The following EPRS1 variants were observed in gnomAD, a reference collection of about 807,000 sequenced individuals.
The protein encoded by EPRS1 is bifunctional glutamate/proline--tRNA ligase.
Under a neutral mutation model 188.3 loss-of-function variants are expected in EPRS1, and 107 were observed. The ratio of observed to expected loss-of-function variants is 0.57; its 90% CI spans 0.49 to 0.67. The LOEUF (loss-of-function observed/expected upper bound fraction) is 0.67, where lower values mean the gene tolerates loss of function less well. EPRS1 is among the 30% of genes least tolerant of loss of function. EPRS1 has a pLI of 0.00. For synonymous variants in EPRS1, 596 were observed against 593.1 expected (o/e 1.00, Z -0.07); for missense variants, 1,577 against 1,802.2 (o/e 0.88, Z 2.26).
intron 12 of EPRS1, among the ~76,000 whole-genome samples, chr1:220,011,990 G>A (rs1661614810): frequency 1.3e-5 from 1 of 78,328 alleles, no homozygotes; most frequent in African/African-American, 4.4e-5. Context: ...TTCCATTGTT[G>A]CCATTATTGG....
rs115267998 is a variant in EPRS1 at position 220,027,707 on chromosome 1, G to A, written c.624-2449C>T. ...CATATAATAAAGGGCTGTACGCCGG[G>A]TGCAGTGGCTCATGCCTGTAATCCC... On this transcript the variant is annotated intron_variant, in intron 6 of 31. Transcript: ENST00000366923. Among the ~76,000 whole-genome samples, 309 of 152,040 alleles carry A rather than the reference G, an allele frequency of 2.0e-3. 1 individual carries two copies. The highest frequency in any genetic ancestry group is 6.5e-3 in the African/African-American group (270 of 41,508).
Position 220,035,057 on chromosome 1 carries a change from A to G in EPRS1, c.132-44T>C, listed in dbSNP as rs750851534. 3.3e-6 allele frequency: 3 copies of G among 917,960 alleles called. No homozygotes were observed. The South Asian group carries it at 4.6e-5, about 14-fold the overall frequency. The allele number at this position is 917,960 out of a possible 1,614,324, so 56.9% of individuals were successfully genotyped here. On this transcript the variant is annotated intron_variant, in intron 2 of 31. Coordinates refer to ENST00000366923, the MANE Select transcript of EPRS1 (RefSeq NM_004446.3). ...ATAAAATATTACTGCTGCTCTAGCA[A>G]ATCAGTAAGTCATGAGACTTATGAA... is the stretch of plus-strand genomic sequence containing the variant.
At chr1:220,034,017 T>G (rs1662132855) in intron 3 of EPRS1, among the ~76,000 whole-genome samples, 1 of 152,174 alleles carries the variant, frequency 6.6e-6, no homozygotes, top group Non-Finnish European at 1.5e-5. Context: ...TTCATTTACT[T>G]GAAAAATTTA....
chr1:220,041,775 G>C (rs528683959), intron 1 of EPRS1, among the ~76,000 whole-genome samples: 1 of 152,150 alleles, frequency 6.6e-6, no homozygotes, highest in Admixed American at 6.5e-5. Context: ...GGGAGGCGGA[G>C]ATTGTGGCAA....
intron 12 of EPRS1, 27 bp from the exon 13 acceptor site, chr1:220,011,083 A>C: frequency 7.8e-7 from 1 of 1,276,700 alleles, no homozygotes; most frequent in Non-Finnish European, 1.1e-6. Flanking sequence ...CTCATGTTAA[A>C]ACACTGCGAT....
intron 15 of EPRS1, among the ~76,000 whole-genome samples, chr1:220,005,825 TTTTG>T (rs1276231761): frequency 2.6e-5 from 1 of 38,992 alleles, no homozygotes; most frequent in African/African-American, 2.0e-4. Context: ...TCGTTTTTTT[TTTTG>T]TTTTTTTTTT....
chr1:219,999,474 A>C (rs1661302143), intron 17 of EPRS1, among the ~76,000 whole-genome samples: 1 of 152,094 alleles, frequency 6.6e-6, no homozygotes, highest in Admixed American at 6.6e-5. Context: ...TGAGACTTAC[A>C]AGTCTAAATC....
In EPRS1 at chr1:220,006,285, C is replaced by G; in HGVS notation, c.1771G>C (p.Asp591His). Residue 591 changes from aspartate to histidine, a missense_variant, in exon 15 of 32, where the codon GAT becomes CAT. Transcript: ENST00000366923. Reference sequence around the variant, plus strand: ...TTGTTTTCCAAATTCAACTTTGCATCAAGAGATATGATTTTTCCATCTGCA... The same window carrying G: ...TTGTTTTCCAAATTCAACTTTGCATGAAGAGATATGATTTTTCCATCTGCA... ...KNADGKIISL[D>H]AKLNLENKDY... 1 of 1,575,698 alleles carries G rather than the reference C, an allele frequency of 6.3e-7. No homozygotes were observed. Among genetic ancestry groups the G allele is most frequent in the Non-Finnish European group, 8.6e-7 (1 of 1,158,460 alleles).
At chr1:220,045,193 A>G (rs775237807) in intron 1 of EPRS1, among the ~76,000 whole-genome samples, 4 of 152,226 alleles carry the variant, frequency 2.6e-5, no homozygotes, top group Non-Finnish European at 2.9e-5. Context: ...ATTATCATAC[A>G]TATGCATTAA....
At chr1:220,000,286 T>C (rs1661325424) in intron 17 of EPRS1, among the ~76,000 whole-genome samples, 2 of 152,234 alleles carry the variant, frequency 1.3e-5, no homozygotes, top group East Asian at 1.9e-4. Context: ...GCTTACTCCA[T>C]GAGTTATTGA....
chr1:220,031,444 A>T (rs1023117104), intron 5 of EPRS1, among the ~76,000 whole-genome samples: 2 of 151,532 alleles, frequency 1.3e-5, no homozygotes, highest in African/African-American at 4.9e-5. Flanking sequence ...AAAGTGCAGT[A>T]GCACTGAAGA....
chr1:219,981,363 G>C lies in EPRS1; in HGVS notation c.3453+15C>G, dbSNP rs779540112. 2 of 1,546,092 alleles carry C rather than the reference G, an allele frequency of 1.3e-6. No homozygotes were observed. Among genetic ancestry groups the C allele is most frequent in the East Asian group, 2.3e-5 (1 of 44,322 alleles). ...CATGAATAATAATAGAATACAAGAG[G>C]GGGTGAATACCTACCACCACATTGC... On this transcript the variant is annotated intron_variant, in intron 24 of 31. Transcript: ENST00000366923.
intron 1 of EPRS1, among the ~76,000 whole-genome samples, chr1:220,045,657 G>A (rs1267706237): frequency 6.6e-6 from 1 of 152,158 alleles, no homozygotes; most frequent in African/African-American, 2.4e-5. Context: ...TGTCAGTAAG[G>A]TGACAGATCC....
chr1:220,023,329 C>T (rs1038852010), intron 8 of EPRS1, among the ~76,000 whole-genome samples: 6 of 152,106 alleles, frequency 3.9e-5, no homozygotes, highest in Non-Finnish European at 8.8e-5. Context: ...CATTGGTTAG[C>T]CACCTCTGAA....
intron 13 of EPRS1, among the ~76,000 whole-genome samples, chr1:220,008,301 AT>A (rs1661535341): frequency 6.6e-6 from 1 of 152,088 alleles, no homozygotes; most frequent in African/African-American, 2.4e-5. Context: ...ATAGATATAG[AT>A]AAGTAAATTT....
At chr1:219,987,056 A>T in intron 20 of EPRS1, 86 bp downstream of exon 20, 1 of 1,404,788 alleles carries the variant, frequency 7.1e-7, no homozygotes, top group Non-Finnish European at 9.7e-7. Context: ...TGTGATGGTT[A>T]AACCAGTCAA....
chr1:220,038,199 C>T (rs1179385071), intron 2 of EPRS1, among the ~76,000 whole-genome samples: 1 of 151,378 alleles, frequency 6.6e-6, no homozygotes, highest in Non-Finnish European at 1.5e-5. Context: ...TCTCCTGCCT[C>T]AGCCTCCTGA....
intron 23 of EPRS1, among the ~76,000 whole-genome samples, chr1:219,982,018 C>T (rs946497479): frequency 2.6e-5 from 4 of 152,172 alleles, no homozygotes; most frequent in African/African-American, 9.7e-5. Flanking sequence ...CTTAGAATAG[C>T]CTGCTCATGA....
At chr1:219,977,375 T>G (rs1660800701) in intron 28 of EPRS1, among the ~76,000 whole-genome samples, 2 of 152,096 alleles carry the variant, frequency 1.3e-5, no homozygotes, top group Non-Finnish European at 2.9e-5. Flanking sequence ...ACTAGAGTAC[T>G]AAAAGAAGAG....
Sources: allele counts gnomAD v4.1 joint callset (sites outside exome capture counted in the v4.1 genomes callset), GRCh38; gene constraint gnomAD v4.1.1; transcripts MANE v1.5; gene names NCBI Gene and HGNC (gene_info 2026-07-23, HGNC 2026-07-21).